WDPCP: variants seen among roughly 807,000 people sequenced by gnomAD.
The protein encoded by WDPCP is WD repeat-containing and planar cell polarity effector protein fritz homolog.
In WDPCP, 71 loss-of-function variants were observed where a neutral mutation model predicts 93.1. The observed-to-expected ratio is 0.76, with a 90% confidence interval of 0.63 to 0.93. The LOEUF is 0.93. Ranked by LOEUF, WDPCP falls within the 40% of genes least tolerant of loss-of-function variation. The pLI, the probability that WDPCP is intolerant of heterozygous loss-of-function variation, is 0.00. For missense variants in WDPCP, 844 were observed against 887.4 expected, an observed-to-expected ratio of 0.95 and a Z score of 0.62; for synonymous variants, 315 against 315.0, an observed-to-expected ratio of 1.00 and a Z score of 0.00.
At chr2:63,467,282 G>C (rs1413168593) in intron 6 of WDPCP, among the ~76,000 whole-genome samples, 5 of 151,346 alleles carry the variant, frequency 3.3e-5, no homozygotes, top group Non-Finnish European at 2.9e-5. Flanking sequence ...GAGTTTGAGA[G>C]CAGCCTGGCC....
At chr2:63,431,086 A>T (rs532827608) in intron 9 of WDPCP, among the ~76,000 whole-genome samples, 2 of 151,628 alleles carry the variant, frequency 1.3e-5, no homozygotes, top group South Asian at 4.2e-4. Context: ...TACTGTTAAA[A>T]CTCGCATTTG....
At chr2:63,403,562 A>G (rs1694316691) in intron 10 of WDPCP, 1 of 154,070 alleles carries the variant, frequency 6.5e-6, no homozygotes, top group Admixed American at 6.4e-5. Context: ...TTATACAGGT[A>G]TCTTCAGCAA....
Position 63,201,796 on chromosome 2 carries a change from T to C in WDPCP, c.1916-26964A>G, listed in dbSNP as rs532724884. ...TCCATCCAATGTGACTCTTCAAATATATTTGCATAGAGTTGTATGAAGTAT... is the reference window on the plus strand; with the variant it reads ...TCCATCCAATGTGACTCTTCAAATACATTTGCATAGAGTTGTATGAAGTAT... On this transcript the variant is annotated intron_variant, in intron 14 of 17. Coordinates refer to ENST00000272321, the MANE Select transcript of WDPCP (RefSeq NM_015910.7). 6.6e-4 allele frequency among the ~76,000 whole-genome samples: 100 copies of C among 152,298 alleles called. 1 individual carries two copies. The South Asian group carries it at 0.02, about 30-fold the overall frequency.
chr2:63,135,605 T>G (rs1325308009), intron 17 of WDPCP, among the ~76,000 whole-genome samples: 1 of 152,256 alleles, frequency 6.6e-6, no homozygotes, highest in Non-Finnish European at 1.5e-5. Context: ...GTTAGGATTA[T>G]AGGCATGTGC....
chr2:63,357,542 A>G (rs2104617735), intron 12 of WDPCP, among the ~76,000 whole-genome samples: 1 of 152,340 alleles, frequency 6.6e-6, no homozygotes, highest in Admixed American at 6.5e-5. Context: ...AGAAATGGAA[A>G]TCAAAAGCAC....
intron 2 of WDPCP, among the ~76,000 whole-genome samples, chr2:63,660,931 T>C (rs1710219618): frequency 6.6e-6 from 1 of 152,168 alleles, no homozygotes; most frequent in East Asian, 1.9e-4. Context: ...TTTGATAAAA[T>C]TTAACTCCAT....
At chr2:63,759,555 CT>C (rs1250481450) in intron 2 of WDPCP, among the ~76,000 whole-genome samples, 3 of 152,358 alleles carry the variant, frequency 2.0e-5, no homozygotes, top group East Asian at 3.9e-4. Context: ...CTTTCTTCCA[CT>C]TTCTCTCTCT....
chr2:63,269,987 AT>A (rs1682490071), intron 13 of WDPCP, among the ~76,000 whole-genome samples: 2 of 152,344 alleles, frequency 1.3e-5, no homozygotes, highest in African/African-American at 4.8e-5. Context: ...AGCTTTAAGA[AT>A]TGGGGAAAAA....
Position 63,556,532 on chromosome 2 carries a change from T to C in WDPCP, c.75+31665A>G, listed in dbSNP as rs77359006. On this transcript the variant is annotated intron_variant, in intron 1 of 17. Transcript: ENST00000272321. ...CATGCTCCTTTAGCTCAGTGAAATT[T>C]GTTATTACCCACCTTCTGAAGCCTA... 3.3e-4 allele frequency among the ~76,000 whole-genome samples: 51 copies of C among 152,308 alleles called. 1 individual carries two copies. The East Asian group carries it at 7.3e-3, about 22-fold the overall frequency.
chr2:63,387,790 A>T (rs1162670584), intron 10 of WDPCP, among the ~76,000 whole-genome samples: 2 of 152,184 alleles, frequency 1.3e-5, no homozygotes, highest in East Asian at 3.8e-4. Context: ...ACGATACAAA[A>T]CTAAAGTATA....
chr2:63,527,607 T>C (rs1398226960), intron 1 of WDPCP, among the ~76,000 whole-genome samples: 10 of 152,018 alleles, frequency 6.6e-5, no homozygotes, highest in Admixed American at 4.6e-4. Flanking sequence ...ATTTTCTTAA[T>C]CCAGTCTATC....
chr2:63,266,463 A>G (rs1232857618), intron 13 of WDPCP, among the ~76,000 whole-genome samples: 1 of 152,212 alleles, frequency 6.6e-6, no homozygotes, highest in Non-Finnish European at 1.5e-5. Context: ...AAACCTATAC[A>G]CTGAAAACTG....
chr2:63,256,883 A>G (rs1681196324), intron 14 of WDPCP, among the ~76,000 whole-genome samples: 1 of 152,176 alleles, frequency 6.6e-6, no homozygotes, highest in East Asian at 1.9e-4. Flanking sequence ...AAATTAGTCT[A>G]TAATGTTACA....
chr2:63,390,569 T>C lies in WDPCP; in HGVS notation c.1436-8475A>G, dbSNP rs571910520. 5.3e-5 allele frequency among the ~76,000 whole-genome samples: 8 copies of C among 152,098 alleles called. No individual in the cohort carries two copies. In the South Asian group the frequency reaches 6.2e-4, roughly 12 times the overall value. On this transcript the variant is annotated intron_variant, in intron 10 of 17. Coordinates refer to ENST00000272321, the MANE Select transcript of WDPCP (RefSeq NM_015910.7). ...AAGATCAGAGCAGAACTGAAAGAGA[T>C]AGAGACACAAAAAAACCTTTCAAAA...
chr2:63,182,108 A>G (rs186075503), intron 14 of WDPCP, among the ~76,000 whole-genome samples: 22 of 152,102 alleles, frequency 1.4e-4, no homozygotes, highest in Non-Finnish European at 2.8e-4. Context: ...AGATAAGTTG[A>G]CTTCATCTTT....
intron 2 of WDPCP, among the ~76,000 whole-genome samples, chr2:63,803,325 TTA>T (rs879424092): frequency 1.3e-5 from 2 of 152,208 alleles, no homozygotes; most frequent in Admixed American, 6.5e-5. Context: ...GTTATTGGAT[TTA>T]TTTCTTGCAA....
rs373650490 is a variant in WDPCP, at chr2:63,728,616, T to C, written n.309-77778A>G. 2.0e-5 allele frequency among the ~76,000 whole-genome samples: 3 copies of C among 152,160 alleles called. No homozygotes were observed. The South Asian group carries it at 6.2e-4, about 32-fold the overall frequency. On this transcript the variant is annotated intron_variant and non_coding_transcript_variant, in intron 2 of 4. Transcript: ENST00000467687. ...GAAGTAAATATATAATTATCCTCAT[T>C]GTACAGATGAGGAGACTGAGGCTCA...
At chr2:63,654,446 T>G (rs184717017) in intron 2 of WDPCP, among the ~76,000 whole-genome samples, 36 of 152,374 alleles carry the variant, frequency 2.4e-4, no homozygotes, top group Admixed American at 1.5e-3. Flanking sequence ...ACAATCAGGC[T>G]GAGATGTCCA....
chr2:63,202,117 A>T (rs13003389), intron 14 of WDPCP, among the ~76,000 whole-genome samples: 17,613 of 151,390 alleles, frequency 0.12, 1,133 homozygotes, highest in Middle Eastern at 0.19. Context: ...ATTTTTATTG[A>T]TATAAACATT....
Sources: allele counts gnomAD v4.1 joint callset (sites outside exome capture counted in the v4.1 genomes callset), GRCh38; gene constraint gnomAD v4.1.1; transcripts MANE v1.5; gene names NCBI Gene and HGNC (gene_info 2026-07-23, HGNC 2026-07-21).